The following R3HCC1 variants were observed in gnomAD, a reference collection of about 807,000 sequenced individuals.
The protein encoded by R3HCC1 is R3H domain and coiled-coil containing 1.
In R3HCC1, 32 loss-of-function variants were observed where a neutral mutation model predicts 40.0. The observed-to-expected ratio is 0.80, with a 90% CI of 0.60 to 1.07. The LOEUF (loss-of-function observed/expected upper bound fraction) is 1.07. Among genes scored for constraint, R3HCC1 ranks in the 50% least tolerant of loss-of-function variants. The pLI, the probability that R3HCC1 is intolerant of heterozygous loss-of-function variation, is 0.00. For missense variants in R3HCC1, 586 were observed against 563.3 expected, an observed-to-expected ratio of 1.04 and a Z score of -0.41; for synonymous variants, 237 against 232.8, an observed-to-expected ratio of 1.02 and a Z score of -0.17.
In R3HCC1 at chr8:23,294,777, G is replaced by T; in HGVS notation, c.1105G>T (p.Ala369Ser). The T allele has an allele frequency of 6.4e-7, 1 of 1,551,204 alleles. No individual in the cohort carries two copies. Among genetic ancestry groups the T allele is most frequent in the Non-Finnish European group, 8.7e-7 (1 of 1,146,872 alleles). The change falls in exon 7 of 8, where the codon GCC becomes TCC. Residue 369 changes from alanine (A) to serine (S), a missense_variant. Transcript: ENST00000265806. The stretch of plus-strand genomic sequence containing the variant: ...CTGCTTTCTTTCCACAGCTGCGGAA[G>T]CCCTGACCCGGGAGTTCTCGGTGCT...
chr8:23,292,072 T>C (rs1374638148), intron 5 of R3HCC1, among the ~76,000 whole-genome samples: 1 of 152,176 alleles, frequency 6.6e-6, no homozygotes, highest in African/African-American at 2.4e-5. Context: ...TTCTTTTCCT[T>C]TTTTTTCTCA....
intron 6 of R3HCC1, 53 bp from the exon 7 acceptor site, chr8:23,294,715 GC>G: frequency 7.2e-7 from 1 of 1,379,656 alleles, no homozygotes; most frequent in African/African-American, 1.4e-5. Flanking sequence ...TGGTGGGTGT[GC>G]CGCGGGGTCC....
rs1477962577 is a variant in R3HCC1, at chr8:23,296,076, C to T, written c.1302C>T (p.Val434=). The T allele has an allele frequency of 3.2e-6, 5 of 1,550,302 alleles. No individual in the cohort carries two copies. The South Asian group carries it at 3.6e-5, about 11-fold the overall frequency. The change falls in exon 8 of 8, where the codon GTC becomes GTT. Residue 434 remains valine (V), a synonymous_variant. Transcript: ENST00000265806. ...ACAAAAAGAAAGAGCGGCCTGCTGT[C>T]CGGGGTCCGCTGCCGCCCTGAGGCC...
intron 5 of R3HCC1, 104 bp from the exon 6 acceptor site, chr8:23,293,199 G>C: frequency 3.5e-6 from 3 of 854,178 alleles, no homozygotes; most frequent in Non-Finnish European, 5.7e-6. Context: ...GCCTCAGGCT[G>C]GTGGCATCTG....
At position 23,290,194 on chromosome 8, in the gene R3HCC1, G is replaced by C. The variant is rs1802833667; in HGVS notation, c.577G>C (p.Glu193Gln). ...CCCTGTGCTGATGACTCAGGGAACA[G>C]AGGACCTAAAGGGCCCAGGACAAAG... is the stretch of plus-strand genomic sequence containing the variant. Residue 193 changes from glutamate (E) to glutamine (Q), a missense_variant, in exon 4 of 8, where the codon GAG becomes CAG. Physicochemically the swap from Glu to Gln is conservative, Grantham distance 29. Transcript: ENST00000265806. 5.2e-6 allele frequency: 8 copies of C among 1,551,770 alleles called. No individual in the cohort carries two copies. Among genetic ancestry groups the C allele is most frequent in the Non-Finnish European group, 6.1e-6 (7 of 1,147,004 alleles).
intron 6 of R3HCC1, among the ~76,000 whole-genome samples, chr8:23,293,574 C>A (rs1585334827): frequency 6.6e-6 from 1 of 152,266 alleles, no homozygotes; most frequent in South Asian, 2.1e-4. Flanking sequence ...TGAAGAAGCC[C>A]TTCCTATTGT....
chr8:23,294,718 G>T, intron 6 of R3HCC1, 51 bp from the exon 7 acceptor site: 2 of 1,404,312 alleles, frequency 1.4e-6, no homozygotes. Context: ...TGGGTGTGCC[G>T]CGGGGTCCTG....
intron 5 of R3HCC1, among the ~76,000 whole-genome samples, chr8:23,292,981 C>G (rs1426304465): frequency 6.6e-6 from 1 of 152,218 alleles, no homozygotes; most frequent in African/African-American, 2.4e-5. Context: ...ATGGCCTTGG[C>G]TGGGCTGAGA....
At position 23,289,980 on chromosome 8, in the gene R3HCC1, T is replaced by C. The variant is rs1355423485; in HGVS notation, c.363T>C (p.Gly121=). ...AAGGAGCAGCTGCGGTTCCCCGAGG[T>C]GCCCGGGCTGGCCGGTGGTATCGTG... Residue 121 remains glycine, a synonymous_variant, in exon 4 of 8, where the codon GGT becomes GGC. Transcript: ENST00000265806. 9 of 1,536,588 alleles carry C rather than the reference T, an allele frequency of 5.9e-6. No individual in the cohort carries two copies. In the African/African-American group the frequency reaches 1.2e-4, roughly 21 times the overall value.
At position 23,289,967 on chromosome 8, in the gene R3HCC1, C is replaced by T. The variant is rs1483348289; in HGVS notation, c.350C>T (p.Ala117Val). ...CCCATCTCCAACCAAGGAGCAGCTG[C>T]GGTTCCCCGAGGTGCCCGGGCTGGC... Residue 117 changes from alanine (A) to valine (V), a missense_variant, in exon 4 of 8, where the codon GCG becomes GTG. By Grantham distance (64) the Ala-to-Val change is moderately conservative. Transcript: ENST00000265806. The T allele has an allele frequency of 9.1e-6, 14 of 1,536,256 alleles. No individual in the cohort carries two copies. The highest frequency in any genetic ancestry group is 1.4e-5 in the African/African-American group (1 of 73,060).
Position 23,288,707 on chromosome 8 carries a change from C to T in R3HCC1, c.110+74C>T, listed in dbSNP as rs975390686. 13 of 1,506,666 alleles carry T rather than the reference C, an allele frequency of 8.6e-6. No homozygotes were observed. The South Asian group carries it at 1.5e-4, about 17-fold the overall frequency. The allele number at this position is 1,506,666 out of a possible 1,614,324, so 93.3% of individuals were successfully genotyped here. On this transcript the variant is annotated intron_variant, in intron 2 of 7. Coordinates refer to ENST00000265806, the MANE Select transcript of R3HCC1 (RefSeq NM_001136108.3). The stretch of plus-strand genomic sequence containing the variant: ...GTTCCCGAGCCGCCTGTGTGCCCTC[C>T]CCCAGGTGGTGCCTGGCAGCTGGCT...
At chr8:23,295,830 AC>A in intron 7 of R3HCC1, 136 bp from the exon 8 acceptor site, 1 of 1,276,960 alleles carries the variant, frequency 7.8e-7, no homozygotes, top group Non-Finnish European at 1.1e-6. Context: ...CGGCCACACC[AC>A]GGGCACAGCT....
intron 7 of R3HCC1, among the ~76,000 whole-genome samples, chr8:23,295,264 C>A (rs1286184854): frequency 6.6e-6 from 1 of 152,120 alleles, no homozygotes; most frequent in Non-Finnish European, 1.5e-5. Context: ...ATGGCTCTGT[C>A]AGTTACTTCA....
chr8:23,288,176 G>C lies in R3HCC1; in HGVS notation c.-19+19G>C, dbSNP rs777193565. On this transcript the variant is annotated intron_variant, in intron 1 of 7. Transcript: ENST00000265806. ...GGCCGCGGTGAGTGCAGCAGCACTG[G>C]GGGGGTGGTCGTCCCGACCCCCGGG... 1.3e-5 allele frequency: 16 copies of C among 1,211,602 alleles called. No homozygotes were observed. Among genetic ancestry groups the C allele is most frequent in the East Asian group, 1.1e-4 (2 of 17,396 alleles). The allele number at this position is 1,211,602 out of a possible 1,614,324, so 75.1% of individuals were successfully genotyped here.
At position 23,290,328 on chromosome 8, in the gene R3HCC1, C is replaced by T. The variant is rs550411315; in HGVS notation, c.711C>T (p.Thr237=). The change falls in exon 4 of 8, where the codon ACC becomes ACT. Residue 237 remains threonine (T), a synonymous_variant. Coordinates refer to ENST00000265806, the MANE Select transcript of R3HCC1 (RefSeq NM_001136108.3). ...AGATGGCCACACGGTTTGGGTCCAC[C>T]CTGCAGCTAGACCTGGAAAAGGGGA... The T allele has an allele frequency of 1.9e-6, 3 of 1,551,694 alleles. No individual in the cohort carries two copies. The highest frequency in any genetic ancestry group is 4.9e-5 in the East Asian group (2 of 40,924).
Position 23,288,554 on chromosome 8 carries a change from C to G in R3HCC1, c.31C>G (p.Leu11Val). The G allele has an allele frequency of 6.5e-7, 1 of 1,536,044 alleles. No homozygotes were observed. The highest frequency in any genetic ancestry group is 8.7e-7 in the Non-Finnish European group (1 of 1,146,886). The stretch of plus-strand genomic sequence containing the variant: ...CCTTCTCTGCTTGGATGGTGTCTTC[C>G]TCTCCTCAGCCGAGAATGACTTCGT... The change falls in exon 2 of 8, where the codon CTC becomes GTC. Residue 11 changes from leucine to valine, a missense_variant. By Grantham distance (32) the Leu-to-Val change is conservative. Coordinates refer to ENST00000265806, the MANE Select transcript of R3HCC1 (RefSeq NM_001136108.3).
intron 3 of R3HCC1, 91 bp downstream of exon 3, chr8:23,289,244 A>T: frequency 1.4e-6 from 2 of 1,410,744 alleles, no homozygotes; most frequent in Non-Finnish European, 1.9e-6. Context: ...GGCTGGGGGG[A>T]ACCAGGGCTG....
At chr8:23,292,904 C>G (rs1802899061) in intron 5 of R3HCC1, among the ~76,000 whole-genome samples, 1 of 152,202 alleles carries the variant, frequency 6.6e-6, no homozygotes, top group African/African-American at 2.4e-5. Context: ...CATGGTGGCC[C>G]TGCTGGTTTG....
At chr8:23,295,747 T>G (rs1002791) in intron 7 of R3HCC1, 185,191 of 609,670 alleles carry the variant, frequency 0.3, 30,344 homozygotes, top group East Asian at 0.55. Context: ...CAAGGGCATG[T>G]AGAGGCGACA....
Sources: allele counts gnomAD v4.1 joint callset (sites outside exome capture counted in the v4.1 genomes callset), GRCh38; gene constraint gnomAD v4.1.1; transcripts MANE v1.5; gene names NCBI Gene and HGNC (gene_info 2026-07-23, HGNC 2026-07-21).